Variants in CARNMT1 observed in about 807,000 individuals in gnomAD.
CARNMT1 encodes carnosine N-methyltransferase 1, also known as protein-L-histidine N-pros-methyltransferase CARNMT1.
A neutral mutation model predicts 49.6 loss-of-function variants in CARNMT1; 28 were observed. The ratio of observed to expected loss-of-function variants is 0.56; its 90% confidence interval spans 0.42 to 0.77. The LOEUF (loss-of-function observed/expected upper bound fraction) is 0.77, where lower values mean the gene tolerates loss of function less well. Among genes scored for constraint, CARNMT1 ranks in the 30% least tolerant of loss-of-function variants. The pLI is 0.00. For synonymous variants in CARNMT1, 178 were observed against 175.0 expected (o/e 1.02, Z -0.13); for missense variants, 421 against 512.6 (o/e 0.82, Z 1.73).
At chr9:75,025,695 C>CA (rs1420213394) in intron 1 of CARNMT1, among the ~76,000 whole-genome samples, 28 of 152,104 alleles carry the variant, frequency 1.8e-4, no homozygotes, top group Admixed American at 1.3e-3. Flanking sequence ...ATGTTTATTT[C>CA]AAAAAATTTG....
chr9:74,983,908 C>G (rs774502792), intron 7 of CARNMT1, 40 bp from the exon 8 acceptor site: 3 of 1,392,858 alleles, frequency 2.2e-6, no homozygotes, highest in Non-Finnish European at 3.0e-6. Context: ...TGACAGTCAT[C>G]ATGACCACAC....
chr9:75,008,847 G>T (rs1394961628), intron 3 of CARNMT1, among the ~76,000 whole-genome samples: 1 of 152,050 alleles, frequency 6.6e-6, no homozygotes, highest in Admixed American at 6.6e-5. Flanking sequence ...AATTACAAGA[G>T]GCCCCCAAAA....
intron 3 of CARNMT1, among the ~76,000 whole-genome samples, chr9:75,011,826 G>A (rs1242365669): frequency 6.6e-6 from 1 of 152,180 alleles, no homozygotes; most frequent in South Asian, 2.1e-4. Flanking sequence ...GAGCAGCTAA[G>A]ACCCTCAGTC....
chr9:75,017,180 C>G (rs187543587), intron 2 of CARNMT1, 73 bp downstream of exon 2: 2 of 1,170,220 alleles, frequency 1.7e-6, no homozygotes, highest in African/African-American at 3.1e-5. Flanking sequence ...AAAATGAAAT[C>G]CAGAAAATAA....
chr9:74,983,664 G>A lies in CARNMT1; in HGVS notation c.*103C>T. The stretch of plus-strand genomic sequence containing the variant: ...TCGTTAGGAATAAGAAGGCACCACT[G>A]ATTTGAGGTTGTGTCCTGTCATCAC... On this transcript the variant is annotated 3_prime_UTR_variant, in exon 8 of 8. Coordinates refer to ENST00000376834, the MANE Select transcript of CARNMT1 (RefSeq NM_152420.3). The A allele has an allele frequency of 1.6e-6, 1 of 623,872 alleles. No homozygotes were observed. Among genetic ancestry groups the A allele is most frequent in the Non-Finnish European group, 2.8e-6 (1 of 353,378 alleles). 38.6% of individuals were successfully genotyped at this position (623,872 alleles called of 1,614,324 possible). A position where few individuals can be genotyped will look rare whatever the true frequency, so the allele number is the denominator to read the frequency against.
intron 3 of CARNMT1, among the ~76,000 whole-genome samples, chr9:75,005,630 G>A (rs1470776375): frequency 2.6e-5 from 4 of 151,460 alleles, no homozygotes; most frequent in African/African-American, 7.3e-5. Context: ...CTGTCACCAC[G>A]CCCGGCTAAT....
chr9:75,027,428 C>A (rs1056964827), intron 1 of CARNMT1: 72 of 985,292 alleles, frequency 7.3e-5, no homozygotes, highest in Non-Finnish European at 7.8e-5. Context: ...CGCCCTTAAT[C>A]ACCCACCAGT....
chr9:75,015,461 A>G (rs1279916542), intron 3 of CARNMT1, among the ~76,000 whole-genome samples: 1 of 152,122 alleles, frequency 6.6e-6, no homozygotes, highest in Non-Finnish European at 1.5e-5. Flanking sequence ...TTTTCTTTGT[A>G]ATCATATGCA....
chr9:74,999,580 G>A (rs1833295616), intron 4 of CARNMT1, 150 bp downstream of exon 4: 3 of 633,874 alleles, frequency 4.7e-6, no homozygotes, highest in Non-Finnish European at 7.5e-6. Flanking sequence ...ATTTGTGTAA[G>A]TACTTTGATT....
In CARNMT1 at chr9:74,987,292, G is replaced by A. The variant is rs554590927; in HGVS notation, c.1025-2282C>T. Among the ~76,000 whole-genome samples the A allele has an allele frequency of 1.5e-3, 231 of 152,196 alleles. 1 individual carries two copies. In the South Asian group the frequency reaches 0.016, roughly 11 times the overall value. On this transcript the variant is annotated intron_variant, in intron 6 of 7. Transcript: ENST00000376834. ...GCAATTCTGTTAGGTACGTATTTACGCAGGATAAATGGAAATTTGCAGCCA... is the reference window on the plus strand; with the variant it reads ...GCAATTCTGTTAGGTACGTATTTACACAGGATAAATGGAAATTTGCAGCCA...
At chr9:74,989,604 G>C (rs186089561) in intron 6 of CARNMT1, among the ~76,000 whole-genome samples, 1 of 152,274 alleles carries the variant, frequency 6.6e-6, no homozygotes, top group East Asian at 1.9e-4. Context: ...GGAGGGACCT[G>C]GTGGGAGGTG....
chr9:75,027,946 G>C (rs1170788499), intron 1 of CARNMT1, 66 bp downstream of exon 1: 3 of 1,468,274 alleles, frequency 2.0e-6, no homozygotes, highest in Non-Finnish European at 2.7e-6. Context: ...CCCCCGTTCC[G>C]GCGGGTCCGC....
In CARNMT1 at chr9:75,027,004, A is replaced by G. The variant is rs528746511; in HGVS notation, c.230+1008T>C. On this transcript the variant is annotated intron_variant, in intron 1 of 7. Transcript: ENST00000376834. ...AATACATAAGATGAACAATATAAAA[A>G]AACTTTGCATAAAGCACAGCAGGAA... The G allele has an allele frequency of 2.0e-5, 21 of 1,048,770 alleles. No individual in the cohort carries two copies. In the African/African-American group the frequency reaches 3.5e-4, roughly 17 times the overall value. The allele number at this position is 1,048,770 out of a possible 1,614,324, so 65.0% of individuals were successfully genotyped here. A position where few individuals can be genotyped will look rare whatever the true frequency, so the allele number is the denominator to read the frequency against.
intron 4 of CARNMT1, 25 bp from the exon 5 acceptor site, chr9:74,998,801 G>A (rs1403252310): frequency 1.4e-6 from 2 of 1,386,090 alleles, no homozygotes; most frequent in Non-Finnish European, 1.9e-6. Flanking sequence ...TATAAAATCA[G>A]GTGTTAACTA....
intron 6 of CARNMT1, among the ~76,000 whole-genome samples, chr9:74,993,023 G>A (rs771403861): frequency 2.0e-5 from 3 of 152,136 alleles, no homozygotes; most frequent in Non-Finnish European, 4.4e-5. Flanking sequence ...AGACATCTTA[G>A]TATGTTCCCT....
At chr9:75,004,036 C>G (rs1319933268) in intron 3 of CARNMT1, among the ~76,000 whole-genome samples, 1 of 152,202 alleles carries the variant, frequency 6.6e-6, no homozygotes, top group Admixed American at 6.5e-5. Context: ...CCACCACACC[C>G]AGCTAATTTT....
intron 2 of CARNMT1, chr9:75,016,862 A>T: frequency 3.6e-6 from 1 of 274,244 alleles, no homozygotes; most frequent in Non-Finnish European, 6.7e-6. Flanking sequence ...CTTGAGATTT[A>T]TAAGTGAAAA....
intron 3 of CARNMT1, among the ~76,000 whole-genome samples, chr9:75,000,220 A>T (rs1379927332): frequency 6.6e-6 from 1 of 152,202 alleles, no homozygotes; most frequent in East Asian, 1.9e-4. Flanking sequence ...TTAAATATGA[A>T]GAGTTTGAAC....
At chr9:74,997,022 A>G (rs2118783377) in intron 5 of CARNMT1, among the ~76,000 whole-genome samples, 1 of 152,254 alleles carries the variant, frequency 6.6e-6, no homozygotes, top group South Asian at 2.1e-4. Context: ...ATCTACCACA[A>G]CTTCGAATAA....
Sources: gnomAD v4.1 joint callset for allele counts (sites outside exome capture counted in the v4.1 genomes callset) on GRCh38, gnomAD v4.1.1 for gene constraint, MANE v1.5 for transcripts, NCBI Gene and HGNC (gene_info 2026-07-23, HGNC 2026-07-21) for gene names.